FLNB: variants seen among roughly 807,000 people sequenced by gnomAD.
FLNB encodes filamin-B.
A neutral mutation model predicts 250.6 loss-of-function variants in FLNB; 111 were observed. The ratio of observed to expected loss-of-function variants is 0.44; its 90% CI spans 0.38 to 0.52. The LOEUF (loss-of-function observed/expected upper bound fraction) is 0.52. Ranked by LOEUF, FLNB falls within the 20% of genes least tolerant of loss-of-function variation. FLNB has a pLI of 0.00. For synonymous variants in FLNB, 1,302 were observed against 1,372.1 expected, an observed-to-expected ratio of 0.95 and a Z score of 1.13; for missense variants, 2,869 against 3,447.8, an observed-to-expected ratio of 0.83 and a Z score of 4.20.
Position 58,091,057 on chromosome 3 carries a change from G to A in FLNB, c.788-3779G>A, listed in dbSNP as rs980988999. On this transcript the variant is annotated intron_variant, in intron 4 of 45. Coordinates refer to ENST00000295956, the MANE Select transcript of FLNB (RefSeq NM_001457.4). Reference sequence around the variant, plus strand: ...TGTGCCACCGCACTGTAGCCTGGGCGACAGAGCGAGACTCCGTCTCAAAAA... The same window carrying A: ...TGTGCCACCGCACTGTAGCCTGGGCAACAGAGCGAGACTCCGTCTCAAAAA... 2.7e-5 allele frequency among the ~76,000 whole-genome samples: 4 copies of A among 149,894 alleles called. No homozygotes were observed. The East Asian group carries it at 5.8e-4, about 22-fold the overall frequency.
chr3:58,143,406 T>A (rs924829523), intron 31 of FLNB, 67 bp from the exon 32 acceptor site: 1 of 1,575,360 alleles, frequency 6.3e-7, no homozygotes, highest in Non-Finnish European at 8.7e-7. Flanking sequence ...CATCTGTGCC[T>A]TGGGCTCTGC....
At chr3:58,143,955 T>A (rs1381973548) in intron 32 of FLNB, among the ~76,000 whole-genome samples, 1 of 152,110 alleles carries the variant, frequency 6.6e-6, no homozygotes, top group Non-Finnish European at 1.5e-5. Context: ...CTGTGTGGGC[T>A]GGAGGCTTGG....
chr3:58,010,037 A>G (rs1423966589), intron 1 of FLNB, among the ~76,000 whole-genome samples: 1 of 152,090 alleles, frequency 6.6e-6, no homozygotes, highest in African/African-American at 2.4e-5. Context: ...GTGCATATGC[A>G]AAGAGTTTGC....
intron 16 of FLNB, among the ~76,000 whole-genome samples, chr3:58,110,626 T>G (rs111402474): frequency 6.6e-6 from 1 of 152,080 alleles, no homozygotes; most frequent in Non-Finnish European, 1.5e-5. Context: ...TTTGTATTTT[T>G]ATAGAAATGG....
chr3:58,081,530 T>C, intron 3 of FLNB, 99 bp from the exon 4 acceptor site: 2 of 1,097,084 alleles, frequency 1.8e-6, no homozygotes, highest in Non-Finnish European at 2.8e-6. Flanking sequence ...ACTCAGTTTC[T>C]TAATATTTGT....
At chr3:58,042,380 C>T (rs2097147312) in intron 1 of FLNB, among the ~76,000 whole-genome samples, 1 of 141,262 alleles carries the variant, frequency 7.1e-6, no homozygotes, top group Non-Finnish European at 1.5e-5. Flanking sequence ...CCGGGTCTTA[C>T]TCTGTCACCC....
intron 4 of FLNB, among the ~76,000 whole-genome samples, chr3:58,090,641 A>G (rs577593491): frequency 2.2e-4 from 33 of 152,264 alleles, no homozygotes; most frequent in African/African-American, 7.5e-4. Flanking sequence ...GTATGTGTGG[A>G]CTATTTTTGA....
In FLNB at chr3:58,106,813, C is replaced by T. The variant is rs1048361498; in HGVS notation, c.1881C>T (p.Ile627=). The T allele has an allele frequency of 1.2e-6, 2 of 1,613,944 alleles. No homozygotes were observed. Among genetic ancestry groups the T allele is most frequent in the Non-Finnish European group, 1.7e-6 (2 of 1,179,988 alleles). ...ACATCATGTGTGACGACGAAGACAT[C>T]AAGGACAGCCCGTACATGGCCTTCA... The part of the protein sequence containing the change: ...AVHIMCDDED[I]KDSPYMAFIH... The change falls in exon 12 of 46, where the codon ATC becomes ATT. Residue 627 remains isoleucine, a synonymous_variant. Coordinates refer to ENST00000295956, the MANE Select transcript of FLNB (RefSeq NM_001457.4).
rs185917667 is a variant in FLNB at position 58,096,081 on chromosome 3, C to G, written c.907-60C>G. 1.6e-4 allele frequency: 208 copies of G among 1,331,970 alleles called. No individual in the cohort carries two copies. The African/African-American group carries it at 2.4e-3, about 15-fold the overall frequency. The allele number at this position is 1,331,970 out of a possible 1,614,324, so 82.5% of individuals were successfully genotyped here. The stretch of plus-strand genomic sequence containing the variant: ...AGCTCCTGCAGAACCCCTGCTGACA[C>G]AGCATGCTCCTTACTCACACCCGGC... On this transcript the variant is annotated intron_variant, in intron 5 of 45. Transcript: ENST00000295956.
chr3:58,036,726 G>C (rs2097138628), intron 1 of FLNB, among the ~76,000 whole-genome samples: 1 of 152,218 alleles, frequency 6.6e-6, no homozygotes, highest in African/African-American at 2.4e-5. Flanking sequence ...GGCAAGAAGA[G>C]GGTCTTTTTG....
At chr3:58,132,631 G>C (rs2097309400) in intron 25 of FLNB, 177 bp from the exon 26 acceptor site, 3 of 744,198 alleles carry the variant, frequency 4.0e-6, no homozygotes, top group Non-Finnish European at 6.9e-6. Flanking sequence ...CTGCAACCAT[G>C]AATTGGGGAT....
rs63448560 is a variant in FLNB, at chr3:58,123,704, A to T, written c.3724+14A>T. ...TAGAAGGGAAAGGTGGGTTTCATTT[A>T]AAAAAAAAAAAAAAAAAAAAAAGAC... On this transcript the variant is annotated intron_variant, in intron 21 of 45. Transcript: ENST00000295956. 3 of 52,594 alleles carry T rather than the reference A, an allele frequency of 5.7e-5. No homozygotes were observed. The highest frequency in any genetic ancestry group is 8.2e-5 in the Non-Finnish European group (3 of 36,652). 3.3% of individuals were successfully genotyped at this position (52,594 alleles called of 1,614,324 possible).
chr3:58,040,684 G>A (rs1272341), intron 1 of FLNB, among the ~76,000 whole-genome samples: 1 of 152,040 alleles, frequency 6.6e-6, no homozygotes, highest in Non-Finnish European at 1.5e-5. Flanking sequence ...TAGTAGAGAC[G>A]GGGTTTCACC....
intron 1 of FLNB, among the ~76,000 whole-genome samples, chr3:58,025,133 C>CTTTTTTTTTTTTTTTTTTT (rs57706596): frequency 8.6e-6 from 1 of 116,550 alleles, no homozygotes; most frequent in East Asian, 2.4e-4. Context: ...TTCTTTCTTT[C>CTTTTTTTTTTTTTTTTTTT]TTTTTTTTTT....
Position 58,100,373 on chromosome 3 carries a change from A to AAAAAAAAAATATATATATATAT in FLNB, c.1345+1466_1345+1467insAAAAAAAATATATATATATATA. Among the ~76,000 whole-genome samples the AAAAAAAAAATATATATATATAT allele has an allele frequency of 4.0e-3, 414 of 104,328 alleles. 4 individuals carry two copies. Among genetic ancestry groups the AAAAAAAAAATATATATATATAT allele is most frequent in the South Asian group, 9.2e-3 (27 of 2,938 alleles). The allele number at this position is 104,328 out of a possible 152,430, so 68.4% of individuals were successfully genotyped here. Reference sequence around the variant, plus strand: ...AATGATTTTACATATGTAAAAAAAAAATATATATATATTTGCAGGGGCGCG... The same window carrying AAAAAAAAAATATATATATATAT: ...AATGATTTTACATATGTAAAAAAAAAAAAAAAAAATATATATATATATATATATATATATTTGCAGGGGCGCG... On this transcript the variant is annotated intron_variant, in intron 8 of 45. Coordinates refer to ENST00000295956, the MANE Select transcript of FLNB (RefSeq NM_001457.4).
rs2097377478 is a variant in FLNB, at chr3:58,169,508, T to C, written c.7418-82T>C. On this transcript the variant is annotated intron_variant, in intron 44 of 45. Coordinates refer to ENST00000295956, the MANE Select transcript of FLNB (RefSeq NM_001457.4). The surrounding 1 kb of genome is among the most constrained non-coding windows in gnomAD (Gnocchi z 4.8). ...CGCGGGCTCTCCTGGGGTTACTGTGTAGGGTACTCGCCTGTCCTCTGGCTG... is the reference window on the plus strand; with the variant it reads ...CGCGGGCTCTCCTGGGGTTACTGTGCAGGGTACTCGCCTGTCCTCTGGCTG... 2 of 1,116,614 alleles carry C rather than the reference T, an allele frequency of 1.8e-6. No individual in the cohort carries two copies. Among genetic ancestry groups the C allele is most frequent in the African/African-American group, 3.1e-5 (2 of 65,446 alleles). 69.2% of individuals were successfully genotyped at this position (1,116,614 alleles called of 1,614,324 possible).
At position 58,050,355 on chromosome 3, in the gene FLNB, C is replaced by G. The variant is rs554950338; in HGVS notation, c.293-26691C>G. ...TTTTTCATTTTTAAAGGGTAATTTG[C>G]TGTGCAGGAGTGGGCTCTCAGACCA... On this transcript the variant is annotated intron_variant, in intron 1 of 45. Transcript: ENST00000295956. 5.3e-5 allele frequency among the ~76,000 whole-genome samples: 8 copies of G among 152,284 alleles called. No homozygotes were observed. The South Asian group carries it at 1.7e-3, about 32-fold the overall frequency.
At chr3:58,165,546 T>G (rs537658846) in intron 43 of FLNB, 1 of 152,352 alleles carries the variant, frequency 6.6e-6, no homozygotes, top group Non-Finnish European at 1.5e-5. Context: ...ATCCTGACCT[T>G]CTGAACAAAG....
intron 41 of FLNB, among the ~76,000 whole-genome samples, chr3:58,157,047 G>T (rs2097354484): frequency 6.6e-6 from 1 of 152,160 alleles, no homozygotes; most frequent in South Asian, 2.1e-4. Context: ...TGATGTTGTG[G>T]CACACGGTTG....
Sources: gnomAD v4.1 joint callset for allele counts (sites outside exome capture counted in the v4.1 genomes callset) on GRCh38, gnomAD v4.1.1 for gene constraint, Gnocchi (gnomAD v3.1) non-coding constraint, MANE v1.5 for transcripts, NCBI Gene and HGNC (gene_info 2026-07-23, HGNC 2026-07-21) for gene names.